NRXN3: variants seen among roughly 807,000 people sequenced by gnomAD.
NRXN3 encodes neurexin 3.
In NRXN3, 32 loss-of-function variants were observed where a neutral mutation model predicts 137.6. That is an observed-to-expected ratio of 0.23 (90% CI 0.18 to 0.31). The LOEUF is 0.31. NRXN3 is among the 10% of genes least tolerant of loss of function. NRXN3 has a pLI of 1.00. For synonymous variants in NRXN3, 798 were observed against 784.5 expected (o/e 1.02, Z -0.29); for missense variants, 1,574 against 2,062.5 (o/e 0.76, Z 4.59).
chr14:79,201,748 G>A (rs2066039755), intron 15 of NRXN3: 1 of 152,212 alleles, frequency 6.6e-6, no homozygotes, highest in African/African-American at 2.4e-5. Context: ...TGATAAAGCT[G>A]CTGATTTAAG....
intron 16 of NRXN3, 99 bp from the exon 17 acceptor site, chr14:79,663,679 T>C: frequency 1.1e-6 from 1 of 924,126 alleles, no homozygotes; most frequent in East Asian, 2.6e-5. Context: ...CAGCTCCCTC[T>C]GGGCACCTAC....
chr14:79,130,967 G>A (rs948755433), intron 15 of NRXN3, among the ~76,000 whole-genome samples: 10 of 151,880 alleles, frequency 6.6e-5, no homozygotes, highest in Admixed American at 1.3e-4. Context: ...CCAGTTGATC[G>A]CATCGGCTCC....
At chr14:78,834,131 G>A (rs1290439986) in intron 10 of NRXN3, among the ~76,000 whole-genome samples, 1 of 152,174 alleles carries the variant, frequency 6.6e-6, no homozygotes, top group Non-Finnish European at 1.5e-5. Context: ...GGGAAAAGAT[G>A]CAAGGATCAG....
At chr14:78,741,352 G>A (rs1443872289) in intron 8 of NRXN3, among the ~76,000 whole-genome samples, 1 of 152,138 alleles carries the variant, frequency 6.6e-6, no homozygotes, top group African/African-American at 2.4e-5. Flanking sequence ...CAATGGAAAG[G>A]CATCAACACT....
At chr14:78,382,271 A>C (rs1320626882) in intron 4 of NRXN3, among the ~76,000 whole-genome samples, 4 of 152,216 alleles carry the variant, frequency 2.6e-5, no homozygotes, top group Admixed American at 1.3e-4. Flanking sequence ...GGCAGAGATA[A>C]AGGTGAAGAA....
At chr14:78,531,017 C>T (rs1455601373) in intron 4 of NRXN3, among the ~76,000 whole-genome samples, 2 of 152,200 alleles carry the variant, frequency 1.3e-5, no homozygotes, top group African/African-American at 4.8e-5. Flanking sequence ...AGTAGCCCTA[C>T]TTTCATTTAT....
intron 10 of NRXN3, among the ~76,000 whole-genome samples, chr14:78,886,246 T>C (rs2099143345): frequency 6.6e-6 from 1 of 152,164 alleles, no homozygotes; most frequent in Admixed American, 6.6e-5. Flanking sequence ...TGTCTGTTTT[T>C]ATCTCCTTTT....
chr14:78,174,577 C>G, intron 1 of NRXN3, among the ~76,000 whole-genome samples: 1 of 152,138 alleles, frequency 6.6e-6, no homozygotes, highest in South Asian at 2.1e-4. Flanking sequence ...ATAGGATTGT[C>G]AACACTGTGC....
In NRXN3 at chr14:78,526,114, G is replaced by A. The variant is rs184210276; in HGVS notation, c.758-119006G>A. Among the ~76,000 whole-genome samples, 18 of 152,264 alleles carry A rather than the reference G, an allele frequency of 1.2e-4. No homozygotes were observed. In the South Asian group the frequency reaches 1.2e-3, roughly 11 times the overall value. The stretch of plus-strand genomic sequence containing the variant: ...AAAGCCATAGGAAACCTAGATAGCC[G>A]CATAATTACTTAGTTGAAAGCCTTG... On this transcript the variant is annotated intron_variant, in intron 4 of 20. Transcript: ENST00000335750.
intron 15 of NRXN3, chr14:79,279,796 AG>A (rs1412105688): frequency 1.0e-6 from 1 of 991,212 alleles, no homozygotes; most frequent in Non-Finnish European, 1.2e-6. Context: ...ATCTCATGGA[AG>A]TGGAAACAGG....
chr14:78,939,129 G>A (rs1404877592), intron 10 of NRXN3, among the ~76,000 whole-genome samples: 1 of 152,050 alleles, frequency 6.6e-6, no homozygotes, highest in Admixed American at 6.5e-5. Context: ...ACAGGCGTGA[G>A]CCACCGCGCC....
chr14:78,771,334 G>A (rs113388816), intron 8 of NRXN3, among the ~76,000 whole-genome samples: 7 of 152,196 alleles, frequency 4.6e-5, no homozygotes, highest in African/African-American at 1.7e-4. Flanking sequence ...TTCCCCAGTG[G>A]GCACAATCTC....
intron 8 of NRXN3, among the ~76,000 whole-genome samples, chr14:78,731,617 GTGTGTGTGTGTCTC>G (rs1183062801): frequency 6.6e-6 from 1 of 150,888 alleles, no homozygotes; most frequent in Non-Finnish European, 1.5e-5. Flanking sequence ...ATGTGTGTGT[GTGTGTGTGTGTCTC>G]TGTGTGTGTG....
chr14:78,542,747 C>T (rs1252224512), intron 4 of NRXN3, among the ~76,000 whole-genome samples: 1 of 152,196 alleles, frequency 6.6e-6, no homozygotes. Context: ...GTTGGAAATG[C>T]AGAAATCACC....
chr14:79,387,144 C>A (rs928474096), intron 15 of NRXN3, among the ~76,000 whole-genome samples: 99 of 152,176 alleles, frequency 6.5e-4, no homozygotes, highest in Admixed American at 3.3e-3. Flanking sequence ...GCAAAAGAAA[C>A]TACCATCAGA....
chr14:78,801,126 C>T (rs957503069), intron 8 of NRXN3, among the ~76,000 whole-genome samples: 28 of 152,138 alleles, frequency 1.8e-4, no homozygotes, highest in African/African-American at 6.8e-4. Flanking sequence ...TTGAGGCCAT[C>T]CTGGCTAACA....
intron 15 of NRXN3, among the ~76,000 whole-genome samples, chr14:79,384,817 A>T (rs1332265054): frequency 6.6e-6 from 1 of 152,208 alleles, no homozygotes; most frequent in Non-Finnish European, 1.5e-5. Context: ...TAATAGTTCC[A>T]CGTTTTAGTA....
At chr14:78,625,512 G>A (rs1464211194) in intron 4 of NRXN3, among the ~76,000 whole-genome samples, 5 of 152,176 alleles carry the variant, frequency 3.3e-5, no homozygotes. Context: ...AAGGTTACTG[G>A]CAACCTCCTT....
At chr14:78,217,967 G>A (rs979837681) in intron 1 of NRXN3, among the ~76,000 whole-genome samples, 2 of 152,142 alleles carry the variant, frequency 1.3e-5, no homozygotes, top group Admixed American at 6.6e-5. Flanking sequence ...GGCTTAAATA[G>A]CATTGTCTTA....
Sources: allele counts gnomAD v4.1 joint callset (sites outside exome capture counted in the v4.1 genomes callset), GRCh38; gene constraint gnomAD v4.1.1; transcripts MANE v1.5; gene names NCBI Gene and HGNC (gene_info 2026-07-23, HGNC 2026-07-21).